IQGAP2: variants seen among roughly 807,000 people sequenced by gnomAD.
IQGAP2 encodes IQ motif containing GTPase activating protein 2, also known as ras GTPase-activating-like protein IQGAP2.
Under a neutral mutation model 201.3 loss-of-function variants are expected in IQGAP2, and 173 were observed. That is an observed-to-expected ratio of 0.86 (90% CI 0.76 to 0.98). The LOEUF (loss-of-function observed/expected upper bound fraction) is 0.98, where lower values mean the gene tolerates loss of function less well. Among genes scored for constraint, IQGAP2 ranks in the 50% least tolerant of loss-of-function variants. IQGAP2 has a pLI of 0.00. For missense variants in IQGAP2, 1,687 were observed against 1,864.8 expected (o/e 0.90, Z 1.76); for synonymous variants, 675 against 673.9 (o/e 1.00, Z -0.03).
At chr5:76,521,649 A>G (rs1373500073) in intron 2 of IQGAP2, among the ~76,000 whole-genome samples, 1 of 152,220 alleles carries the variant, frequency 6.6e-6, no homozygotes, top group Non-Finnish European at 1.5e-5. Context: ...ACCAGAGACC[A>G]TCGTGTGCCT....
At chr5:76,557,793 T>TTTTA (rs373848858) in intron 2 of IQGAP2, among the ~76,000 whole-genome samples, 1 of 152,102 alleles carries the variant, frequency 6.6e-6, no homozygotes, top group Non-Finnish European at 1.5e-5. Flanking sequence ...GCTATCAGTG[T>TTTTA]TTTATTTATT....
At chr5:76,604,707 C>A (rs1747678558) in intron 11 of IQGAP2, among the ~76,000 whole-genome samples, 1 of 152,178 alleles carries the variant, frequency 6.6e-6, no homozygotes, top group Non-Finnish European at 1.5e-5. Context: ...GGACACTAAC[C>A]AGTGCAAGTT....
intron 2 of IQGAP2, among the ~76,000 whole-genome samples, chr5:76,487,468 A>C (rs1756234381): frequency 6.6e-6 from 1 of 152,158 alleles, no homozygotes; most frequent in South Asian, 2.1e-4. Flanking sequence ...TGTAAGAAAA[A>C]AGTTTATCTT....
intron 1 of IQGAP2, among the ~76,000 whole-genome samples, chr5:76,420,231 C>T (rs769909879): frequency 6.6e-6 from 1 of 152,118 alleles, no homozygotes; most frequent in African/African-American, 2.4e-5. Flanking sequence ...TTAATTAAAT[C>T]CACCCTACTT....
intron 1 of IQGAP2, among the ~76,000 whole-genome samples, chr5:76,427,683 T>C (rs529460975): frequency 6.6e-6 from 1 of 152,342 alleles, no homozygotes; most frequent in South Asian, 2.1e-4. Context: ...CCCGCAGGTC[T>C]GGGCTGGGCC....
intron 2 of IQGAP2, among the ~76,000 whole-genome samples, chr5:76,495,962 C>T (rs1005817279): frequency 5.9e-5 from 9 of 152,104 alleles, no homozygotes; most frequent in Admixed American, 2.0e-4. Flanking sequence ...ACATCCAAAC[C>T]GTATCAGGTA....
intron 12 of IQGAP2, among the ~76,000 whole-genome samples, chr5:76,608,608 T>C (rs1747999230): frequency 6.6e-6 from 1 of 152,186 alleles, no homozygotes; most frequent in African/African-American, 2.4e-5. Flanking sequence ...TGAGATCTAA[T>C]TCCATATCTG....
chr5:76,657,656 T>C (rs958615711), intron 20 of IQGAP2, among the ~76,000 whole-genome samples: 1 of 152,184 alleles, frequency 6.6e-6, no homozygotes, highest in South Asian at 2.1e-4. Context: ...ACCAGACAAT[T>C]TATTCTTACA....
At chr5:76,447,489 A>G (rs1343613980) in intron 1 of IQGAP2, among the ~76,000 whole-genome samples, 1 of 151,706 alleles carries the variant, frequency 6.6e-6, no homozygotes, top group Admixed American at 6.6e-5. Flanking sequence ...AAAAACAAAC[A>G]AACAAACAAA....
At chr5:76,466,537 A>G (rs1487390839) in intron 2 of IQGAP2, among the ~76,000 whole-genome samples, 2 of 152,362 alleles carry the variant, frequency 1.3e-5, no homozygotes, top group East Asian at 3.9e-4. Flanking sequence ...GAGTCTAGAA[A>G]TAAACCCTAA....
rs554144281 is a variant in IQGAP2 at position 76,481,293 on chromosome 5, A to C, written c.146+19624A>C. The stretch of plus-strand genomic sequence containing the variant: ...ACCTTTTCTACTAGCCACAGTAAAA[A>C]AGTAGAAAAACAGGTGAAATAATTT... On this transcript the variant is annotated intron_variant, in intron 2 of 35. Coordinates refer to ENST00000274364, the MANE Select transcript of IQGAP2 (RefSeq NM_006633.5). Among the ~76,000 whole-genome samples, 14 of 152,336 alleles carry C rather than the reference A, an allele frequency of 9.2e-5. No homozygotes were observed. In the South Asian group the frequency reaches 2.7e-3, roughly 29 times the overall value.
In IQGAP2 at chr5:76,668,746, G is replaced by T; in HGVS notation, c.2745G>T (p.Met915Ile). The T allele has an allele frequency of 6.2e-7, 1 of 1,609,904 alleles. No homozygotes were observed. The highest frequency in any genetic ancestry group is 8.5e-7 in the Non-Finnish European group (1 of 1,177,388). The change falls in exon 23 of 36, where the codon ATG becomes ATT. Residue 915 changes from methionine to isoleucine, a missense_variant. By Grantham distance (10) the Met-to-Ile change is conservative (BLOSUM62 1). Coordinates refer to ENST00000274364, the MANE Select transcript of IQGAP2 (RefSeq NM_006633.5). ...CACAGAACAAGTCCACTAAATTTATGGATACTGTTATTTTCACACTATATA... is the reference window on the plus strand; with the variant it reads ...CACAGAACAAGTCCACTAAATTTATTGATACTGTTATTTTCACACTATATA... ...QMPQNKSTKFMDTVIFTLYNY... is the reference protein window; with the variant it reads ...QMPQNKSTKFIDTVIFTLYNY...
chr5:76,592,121 C>T (rs1034044019), intron 8 of IQGAP2, among the ~76,000 whole-genome samples: 3 of 152,182 alleles, frequency 2.0e-5, no homozygotes, highest in African/African-American at 7.2e-5. Context: ...CTAAGCCAAT[C>T]CCTCTTAAAG....
intron 1 of IQGAP2, among the ~76,000 whole-genome samples, chr5:76,430,947 C>T (rs949799762): frequency 5.3e-5 from 8 of 152,054 alleles, no homozygotes; most frequent in Non-Finnish European, 8.8e-5. Context: ...GAATATGATG[C>T]AGACTTTAAA....
intron 13 of IQGAP2, chr5:76,623,115 A>G: frequency 1.3e-6 from 2 of 1,570,984 alleles, no homozygotes; most frequent in African/African-American, 1.4e-5. Flanking sequence ...TTGACTCTTA[A>G]TTTGTAACAG....
At chr5:76,610,516 C>T (rs947250305) in intron 12 of IQGAP2, among the ~76,000 whole-genome samples, 1 of 150,402 alleles carries the variant, frequency 6.6e-6, no homozygotes, top group African/African-American at 2.4e-5. Flanking sequence ...GGCAGTGAGC[C>T]AAGATCATGC....
At chr5:76,659,158 CTG>C (rs1166613513) in intron 21 of IQGAP2, among the ~76,000 whole-genome samples, 2 of 152,120 alleles carry the variant, frequency 1.3e-5, no homozygotes, top group African/African-American at 2.4e-5. Context: ...GGTTCTTCGT[CTG>C]TAAAATTTTA....
At chr5:76,500,402 T>C (rs2150167724) in intron 2 of IQGAP2, among the ~76,000 whole-genome samples, 1 of 152,202 alleles carries the variant, frequency 6.6e-6, no homozygotes, top group East Asian at 1.9e-4. Context: ...TGTAAAAAGC[T>C]TATAAAATAT....
chr5:76,481,467 C>G (rs1181258172), intron 2 of IQGAP2, among the ~76,000 whole-genome samples: 1 of 151,840 alleles, frequency 6.6e-6, no homozygotes, highest in Non-Finnish European at 1.5e-5. Flanking sequence ...TCTGAAACCT[C>G]TGCCTCCTGG....
Sources: gnomAD v4.1 joint callset for allele counts (sites outside exome capture counted in the v4.1 genomes callset) on GRCh38, gnomAD v4.1.1 for gene constraint, MANE v1.5 for transcripts, NCBI Gene and HGNC (gene_info 2026-07-23, HGNC 2026-07-21) for gene names.